The following GNA12 variants were observed in gnomAD, a reference collection of about 807,000 sequenced individuals.
GNA12 encodes the protein G protein subunit alpha 12.
GNA12 carries 9 observed loss-of-function variants against 26.0 expected under a neutral mutation model. The ratio of observed to expected loss-of-function variants is 0.35; its 90% confidence interval spans 0.21 to 0.60. The LOEUF is 0.60. GNA12 is among the 20% of genes least tolerant of loss of function. GNA12 has a pLI of 0.78. For synonymous variants in GNA12, 264 were observed against 219.6 expected, an observed-to-expected ratio of 1.20 and a Z score of -1.79; for missense variants, 405 against 525.8, an observed-to-expected ratio of 0.77 and a Z score of 2.25.
intron 1 of GNA12, among the ~76,000 whole-genome samples, chr7:2,804,768 G>A (rs918381761): frequency 6.6e-5 from 10 of 152,204 alleles, no homozygotes; most frequent in African/African-American, 1.2e-4. Context: ...CACTAAAGAC[G>A]TTGAAGAGAG....
chr7:2,782,988 T>C (rs751406146), intron 2 of GNA12, among the ~76,000 whole-genome samples: 1 of 152,392 alleles, frequency 6.6e-6, no homozygotes, highest in South Asian at 2.1e-4. Context: ...ATATGCCATG[T>C]CACTTTAAAT....
chr7:2,795,816 C>CTTT (rs71026559), intron 1 of GNA12, among the ~76,000 whole-genome samples: 1 of 137,876 alleles, frequency 7.3e-6, no homozygotes, highest in African/African-American at 2.7e-5. Flanking sequence ...AAAAAAACAA[C>CTTT]TTTTTTTTTT....
intron 2 of GNA12, among the ~76,000 whole-genome samples, chr7:2,768,723 G>C (rs576769851): frequency 8.0e-5 from 12 of 150,504 alleles, no homozygotes; most frequent in African/African-American, 2.9e-4. Context: ...ATAAAGGAGA[G>C]TTCATTCCCA....
chr7:2,733,799 C>G (rs1274312498), intron 2 of GNA12, among the ~76,000 whole-genome samples: 2 of 152,206 alleles, frequency 1.3e-5, no homozygotes, highest in Non-Finnish European at 2.9e-5. Flanking sequence ...GGGGGACTCT[C>G]TTTCCAGACA....
rs115166893 is a variant in GNA12 at position 2,750,196 on chromosome 7, G to A, written c.526-16695C>T. 5.8e-4 allele frequency among the ~76,000 whole-genome samples: 89 copies of A among 152,256 alleles called. 1 individual carries two copies. The highest frequency in any genetic ancestry group is 2.1e-3 in the African/African-American group (88 of 41,528). On this transcript the variant is annotated intron_variant, in intron 2 of 3. Coordinates refer to ENST00000275364, the MANE Select transcript of GNA12 (RefSeq NM_007353.3). The stretch of plus-strand genomic sequence containing the variant: ...AGTCGTCACTCCCATCCTCACAGCA[G>A]CGACACCGGCAAGGAGAACAAACTG...
At chr7:2,827,361 T>G (rs1793509167) in intron 1 of GNA12, among the ~76,000 whole-genome samples, 1 of 152,218 alleles carries the variant, frequency 6.6e-6, no homozygotes, top group South Asian at 2.1e-4. Flanking sequence ...GAATGTACAC[T>G]TCCAGATGAT....
intron 1 of GNA12, among the ~76,000 whole-genome samples, chr7:2,805,253 G>A (rs998606268): frequency 2.0e-5 from 3 of 152,224 alleles, no homozygotes; most frequent in African/African-American, 4.8e-5. Flanking sequence ...CCATGTGAAC[G>A]ACACTGTGTT....
intron 1 of GNA12, among the ~76,000 whole-genome samples, chr7:2,818,591 C>T (rs1016014079): frequency 3.3e-5 from 5 of 152,008 alleles, no homozygotes; most frequent in African/African-American, 7.2e-5. Flanking sequence ...GGTGAAACCC[C>T]GACTCTAATA....
chr7:2,749,134 C>T (rs1790905014), intron 2 of GNA12, among the ~76,000 whole-genome samples: 1 of 152,130 alleles, frequency 6.6e-6, no homozygotes, highest in Admixed American at 6.6e-5. Flanking sequence ...CTAGAAATAC[C>T]ATTGGACCCA....
Position 2,740,235 on chromosome 7 carries a change from C to A in GNA12, c.526-6734G>T, listed in dbSNP as rs149263622. On this transcript the variant is annotated intron_variant, in intron 2 of 3. Coordinates refer to ENST00000275364, the MANE Select transcript of GNA12 (RefSeq NM_007353.3). ...GTTCTATTTGTATCATCATTATAGA[C>A]TGCATGTTTGTATGCTCCCAGAATT... 9.8e-5 allele frequency among the ~76,000 whole-genome samples: 15 copies of A among 152,296 alleles called. 1 individual carries two copies. The highest frequency in any genetic ancestry group is 4.1e-4 in the South Asian group (2 of 4,822).
At chr7:2,838,314 T>G (rs1778896520) in intron 1 of GNA12, among the ~76,000 whole-genome samples, 1 of 150,654 alleles carries the variant, frequency 6.6e-6, no homozygotes, top group South Asian at 2.1e-4. Flanking sequence ...GGAGGATCGC[T>G]CATGCCTATA....
chr7:2,744,055 A>C (rs1272779381), intron 2 of GNA12, among the ~76,000 whole-genome samples: 1 of 152,230 alleles, frequency 6.6e-6, no homozygotes, highest in Non-Finnish European at 1.5e-5. Flanking sequence ...CCACAGCTCA[A>C]GGAGGCCTGC....
chr7:2,790,493 G>A, intron 2 of GNA12, among the ~76,000 whole-genome samples: 1 of 152,192 alleles, frequency 6.6e-6, no homozygotes, highest in Non-Finnish European at 1.5e-5. Flanking sequence ...GTGAGGAAAT[G>A]AGACCTGACT....
chr7:2,766,681 T>C (rs1002484655), intron 2 of GNA12, among the ~76,000 whole-genome samples: 2 of 152,182 alleles, frequency 1.3e-5, no homozygotes, highest in Non-Finnish European at 2.9e-5. Flanking sequence ...CCACCGCACC[T>C]GGCCAGCTTC....
chr7:2,756,299 T>G (rs1791291083), intron 2 of GNA12, among the ~76,000 whole-genome samples: 1 of 152,164 alleles, frequency 6.6e-6, no homozygotes, highest in African/African-American at 2.4e-5. Context: ...AAAAGGACAT[T>G]GATTCTAACT....
chr7:2,777,960 C>T (rs1256582552), intron 2 of GNA12, among the ~76,000 whole-genome samples: 2 of 152,202 alleles, frequency 1.3e-5, no homozygotes, highest in Non-Finnish European at 2.9e-5. Flanking sequence ...GCAAAGATGT[C>T]TTCCAACTTC....
chr7:2,816,729 A>G (rs549693693), intron 1 of GNA12, among the ~76,000 whole-genome samples: 290 of 152,348 alleles, frequency 1.9e-3, no homozygotes, highest in Middle Eastern at 3.4e-3. Flanking sequence ...TGAAGCTAAC[A>G]TTCACTGAAC....
chr7:2,817,937 G>A (rs1690957601), intron 1 of GNA12, among the ~76,000 whole-genome samples: 8 of 151,810 alleles, frequency 5.3e-5, no homozygotes, highest in Admixed American at 5.2e-4. Flanking sequence ...TGAATTATTA[G>A]TTCCAAATGT....
At chr7:2,735,912 C>G (rs533033069) in intron 2 of GNA12, among the ~76,000 whole-genome samples, 108 of 152,224 alleles carry the variant, frequency 7.1e-4, no homozygotes, top group Middle Eastern at 3.4e-3. Flanking sequence ...GAAGGGGACA[C>G]AGAGCAACCC....
Sources: allele counts gnomAD v4.1 joint callset (sites outside exome capture counted in the v4.1 genomes callset), GRCh38; gene constraint gnomAD v4.1.1; transcripts MANE v1.5; gene names NCBI Gene and HGNC (gene_info 2026-07-23, HGNC 2026-07-21).